ERBB2: variants seen among roughly 807,000 people sequenced by gnomAD.
The protein encoded by ERBB2 is receptor tyrosine-protein kinase erbB-2.
Under a neutral mutation model 149.0 loss-of-function variants are expected in ERBB2, and 61 were observed. The ratio of observed to expected loss-of-function variants is 0.41; its 90% CI spans 0.33 to 0.51. The LOEUF (loss-of-function observed/expected upper bound fraction) is 0.51, where lower values mean the gene tolerates loss of function less well. Ranked by LOEUF, ERBB2 falls within the 20% of genes least tolerant of loss-of-function variation. ERBB2 has a pLI of 0.25. For missense variants in ERBB2, 1,205 were observed against 1,655.1 expected (o/e 0.73, Z 4.72); for synonymous variants, 633 against 678.8 (o/e 0.93, Z 1.05).
Position 39,725,261 on chromosome 17 carries a change from GGA to G in ERBB2, c.2649+60_2649+61del, listed in dbSNP as rs1463034446. On this transcript the variant is annotated intron_variant, in intron 21 of 26. Coordinates refer to ENST00000269571, the MANE Select transcript of ERBB2 (RefSeq NM_004448.4). This position sits in a 1 kb window ranked among gnomAD's most constrained non-coding sequence, Gnocchi z 4.6. Reference sequence around the variant, plus strand: ...TGGGTGGAGTGGTGTCTAGCCCATGGGAGAACTCTGAGTGGCCACCTCCCCAC... The same window carrying G: ...TGGGTGGAGTGGTGTCTAGCCCATGGGAACTCTGAGTGGCCACCTCCCCAC... The G allele has an allele frequency of 6.2e-7, 1 of 1,613,258 alleles. No homozygotes were observed. Among genetic ancestry groups the G allele is most frequent in the Non-Finnish European group, 8.5e-7 (1 of 1,179,422 alleles).
chr17:39,697,433 G>T (rs1334497267), upstream of ERBB2, among the ~76,000 whole-genome samples: 5 of 142,462 alleles, frequency 3.5e-5, no homozygotes. Context: ...TTGGCTCACC[G>T]CAACCTCCGC....
chr17:39,720,580 G>T (rs972218725), intron 16 of ERBB2, among the ~76,000 whole-genome samples: 1 of 152,188 alleles, frequency 6.6e-6, no homozygotes, highest in African/African-American at 2.4e-5. Context: ...AAGCAAGGGG[G>T]TATGGAGAGG....
In ERBB2 at chr17:39,711,966, G is replaced by A. The variant is rs775294491; in HGVS notation, c.940G>A (p.Val314Ile). 5.0e-6 allele frequency: 8 copies of A among 1,614,002 alleles called. No individual in the cohort carries two copies. The highest frequency in any genetic ancestry group is 4.5e-5 in the East Asian group (2 of 44,902). ...LSTDVGSCTL[V>I]CPLHNQEVTA... ...TACGGACGTGGGATCCTGCACCCTC[G>A]TCTGCCCCCTGCACAACCAAGAGGT... The change falls in exon 8 of 27, where the codon GTC becomes ATC. Residue 314 changes from valine (V) to isoleucine (I), a missense_variant. Coordinates refer to ENST00000269571, the MANE Select transcript of ERBB2 (RefSeq NM_004448.4).
upstream of ERBB2, among the ~76,000 whole-genome samples, chr17:39,697,187 G>A (rs1172480142): frequency 6.6e-6 from 1 of 152,100 alleles, no homozygotes; most frequent in Admixed American, 6.5e-5. Context: ...TAGGGATATT[G>A]ATGGCCATCC....
intron 16 of ERBB2, chr17:39,720,341 G>A (rs574574971): frequency 6.2e-6 from 1 of 162,182 alleles, no homozygotes; most frequent in South Asian, 1.7e-4. Context: ...CTGGTGTCGG[G>A]GGCTGTTGAG....
rs2059681323 is a variant in ERBB2 at position 39,725,189 on chromosome 17, T to C, written c.2634T>C (p.His878=). The stretch of plus-strand genomic sequence containing the variant: ...TGGACATTGACGAGACAGAGTACCA[T>C]GCAGATGGGGGCAAGGTTAGGTGAA... ...RLLDIDETEY[H]ADGGKVPIKW... Residue 878 remains histidine, a synonymous_variant, in exon 21 of 27, where the codon CAT becomes CAC. Transcript: ENST00000269571. This position sits in a 1 kb window ranked among gnomAD's most constrained non-coding sequence, Gnocchi z 4.6. 3 of 1,614,006 alleles carry C rather than the reference T, an allele frequency of 1.9e-6. No individual in the cohort carries two copies. The highest frequency in any genetic ancestry group is 2.5e-6 in the Non-Finnish European group (3 of 1,180,008).
rs556779164 is a variant in ERBB2, at chr17:39,700,403, G to C, written c.73+92G>C. On this transcript the variant is annotated intron_variant, in intron 1 of 26. Transcript: ENST00000269571. ...TCCCGCGGCCGGCGGGGCCAGAGGG[G>C]CCCGGACGAGCTCTCCTATCCCGAA... The C allele has an allele frequency of 2.3e-3, 2,384 of 1,032,364 alleles. 23 individuals carry two copies. The African/African-American group carries it at 0.03, about 13-fold the overall frequency. 64.0% of individuals were successfully genotyped at this position (1,032,364 alleles called of 1,614,324 possible).
intron 1 of ERBB2, among the ~76,000 whole-genome samples, chr17:39,706,295 G>A (rs900666028): frequency 2.0e-5 from 3 of 152,190 alleles, no homozygotes; most frequent in South Asian, 2.1e-4. Flanking sequence ...GGGTGCCAGC[G>A]CAGGAACCTT....
rs951853718 is a variant in ERBB2, at chr17:39,712,254, G to A, written c.1022-68G>A. The A allele has an allele frequency of 4.4e-6, 7 of 1,603,446 alleles. No homozygotes were observed. In the African/African-American group the frequency reaches 9.4e-5, roughly 21 times the overall value. Reference sequence around the variant, plus strand: ...GAGGGGCCCGGACCCTGATGCTCATGTGGCTGTTGACCTGTCCCGGTATGA... The same window carrying A: ...GAGGGGCCCGGACCCTGATGCTCATATGGCTGTTGACCTGTCCCGGTATGA... On this transcript the variant is annotated intron_variant, in intron 8 of 26. Coordinates refer to ENST00000269571, the MANE Select transcript of ERBB2 (RefSeq NM_004448.4).
chr17:39,718,804 G>T lies in ERBB2; in HGVS notation c.1899-983G>T, dbSNP rs1300659136. On this transcript the variant is annotated intron_variant, in intron 15 of 26. Coordinates refer to ENST00000269571, the MANE Select transcript of ERBB2 (RefSeq NM_004448.4). ...TTTCACTTTGTTTTTGAGGGATATTGAGCTTGTTTCCCTGTTTTTGCAGTT... is the reference window on the plus strand; with the variant it reads ...TTTCACTTTGTTTTTGAGGGATATTTAGCTTGTTTCCCTGTTTTTGCAGTT... Among the ~76,000 whole-genome samples the T allele has an allele frequency of 2.0e-5, 3 of 151,882 alleles. No individual in the cohort carries two copies. The East Asian group carries it at 5.8e-4, about 29-fold the overall frequency.
chr17:39,721,690 G>C (rs2059461843), intron 16 of ERBB2, among the ~76,000 whole-genome samples: 1 of 152,136 alleles, frequency 6.6e-6, no homozygotes. Context: ...ATTTTGGCTA[G>C]AACATCAAAA....
At chr17:39,719,922 CT>C (rs1597879692) in intron 16 of ERBB2, 88 bp downstream of exon 16, 1 of 1,247,898 alleles carries the variant, frequency 8.0e-7, no homozygotes, top group East Asian at 2.3e-5. Flanking sequence ...AGGGGACCCC[CT>C]GACATATGTC....
upstream of ERBB2, among the ~76,000 whole-genome samples, chr17:39,692,363 G>C (rs371884549): frequency 3.3e-5 from 5 of 152,078 alleles, no homozygotes; most frequent in East Asian, 5.8e-4. Flanking sequence ...CCTCTGGTGG[G>C]AAGTGGGACT....
intron 1 of ERBB2, chr17:39,688,422 A>G (rs1648765522): frequency 5.8e-6 from 1 of 172,358 alleles, no homozygotes; most frequent in African/African-American, 2.4e-5. Context: ...TAGCTTCTTA[A>G]TGGCTCTCCC....
chr17:39,727,171 A>G lies in ERBB2; in HGVS notation c.3160-124A>G. On this transcript the variant is annotated intron_variant, in intron 25 of 26. Coordinates refer to ENST00000269571, the MANE Select transcript of ERBB2 (RefSeq NM_004448.4). This position sits in a 1 kb window ranked among gnomAD's most constrained non-coding sequence, Gnocchi z 4.3. ...CAACCCCTGTGACCCCATTCTCTCC[A>G]CGGTGACTGTGTCATACCCCAAAGG... The G allele has an allele frequency of 7.6e-7, 1 of 1,315,476 alleles. No homozygotes were observed. Among genetic ancestry groups the G allele is most frequent in the Non-Finnish European group, 1.1e-6 (1 of 940,444 alleles). The allele number at this position is 1,315,476 out of a possible 1,614,324, so 81.5% of individuals were successfully genotyped here. A position where few individuals can be genotyped will look rare whatever the true frequency, so the allele number is the denominator to read the frequency against.
chr17:39,693,108 C>G (rs2057750041), upstream of ERBB2, among the ~76,000 whole-genome samples: 1 of 152,126 alleles, frequency 6.6e-6, no homozygotes, highest in South Asian at 2.1e-4. Flanking sequence ...CAATTTCATG[C>G]AGTAGCAAGC....
In ERBB2 at chr17:39,715,432, C is replaced by A. The variant is rs187691585; in HGVS notation, c.1223-14C>A. 2 of 1,614,064 alleles carry A rather than the reference C, an allele frequency of 1.2e-6. No homozygotes were observed. The highest frequency in any genetic ancestry group is 2.7e-5 in the African/African-American group (2 of 75,048). On this transcript the variant is annotated splice_polypyrimidine_tract_variant and intron_variant, in intron 10 of 26. Transcript: ENST00000269571. The stretch of plus-strand genomic sequence containing the variant: ...TCCTGTCCCCACTCCTTTAATCTCA[C>A]CCTCTGCCTGCAGGTTACCTATACA...
rs1597892991 is a variant in ERBB2, at chr17:39,727,899, A to G, written c.3623A>G (p.His1208Arg). Reference sequence around the variant, plus strand: ...CAGGGAGGAGCTGCCCCTCAGCCCCACCCTCCTCCTGCCTTCAGCCCAGCC... The same window carrying G: ...CAGGGAGGAGCTGCCCCTCAGCCCCGCCCTCCTCCTGCCTTCAGCCCAGCC... The part of the protein sequence containing the change: ...TPQGGAAPQP[H>R]PPPAFSPAFD... The change falls in exon 27 of 27, where the codon CAC (histidine) becomes CGC (arginine). Residue 1208 changes from histidine to arginine, a missense_variant. Physicochemically the swap from His to Arg is conservative, Grantham distance 29 (BLOSUM62 0). Around this residue, in one of 6 missense-constraint regions of ERBB2, gnomAD observed 312 missense variants for 343.8 expected, o/e 0.91. Coordinates refer to ENST00000269571, the MANE Select transcript of ERBB2 (RefSeq NM_004448.4). This position sits in a 1 kb window ranked among gnomAD's most constrained non-coding sequence, Gnocchi z 4.3. 6.2e-7 allele frequency: 1 copy of G among 1,613,780 alleles called. No homozygotes were observed. The highest frequency in any genetic ancestry group is 1.7e-4 in the Middle Eastern group (1 of 6,060).
intron 7 of ERBB2, 81 bp downstream of exon 7, chr17:39,710,562 G>A (rs1004612087): frequency 6.6e-7 from 1 of 1,504,134 alleles, no homozygotes; most frequent in East Asian, 2.3e-5. Flanking sequence ...GGGGAGCACT[G>A]TCTGCATCTT....
Sources: gnomAD v4.1 joint callset for allele counts (sites outside exome capture counted in the v4.1 genomes callset) on GRCh38, gnomAD v4.1.1 for gene constraint, gnomAD v4.1.1 regional missense constraint, Gnocchi (gnomAD v3.1) non-coding constraint, MANE v1.5 for transcripts, NCBI Gene and HGNC (gene_info 2026-07-23, HGNC 2026-07-21) for gene names.